Variants in DCAF7 observed in about 807,000 individuals in gnomAD.
The protein encoded by DCAF7 is DDB1- and CUL4-associated factor 7.
A neutral mutation model predicts 41.2 loss-of-function variants in DCAF7; 4 were observed. The observed-to-expected ratio is 0.10, with a 90% CI of 0.05 to 0.22. The LOEUF (loss-of-function observed/expected upper bound fraction) is 0.22. DCAF7 is among the 10% of genes least tolerant of loss of function. The probability of loss-of-function intolerance (pLI) is 1.00; values close to 1 mark genes in which losing one functional copy is unlikely to be tolerated. For synonymous variants in DCAF7, 143 were observed against 164.2 expected (o/e 0.87, Z 0.99); for missense variants, 131 against 443.2 (o/e 0.30, Z 6.32).
In DCAF7 at chr17:63,550,515, G is replaced by A; in HGVS notation, c.-163G>A. The A allele has an allele frequency of 8.7e-7, 1 of 1,156,024 alleles. No homozygotes were observed. Among genetic ancestry groups the A allele is most frequent in the Non-Finnish European group, 1.2e-6 (1 of 852,170 alleles). 71.6% of individuals were successfully genotyped at this position (1,156,024 alleles called of 1,614,324 possible). On this transcript the variant is annotated 5_prime_UTR_variant, in exon 1 of 7. Coordinates refer to ENST00000614556, the MANE Select transcript of DCAF7 (RefSeq NM_005828.5). This position sits in a 1 kb window ranked among gnomAD's most constrained non-coding sequence, Gnocchi z 4.8. ...AAGCTGGTTTGAAACTAGGGGTCGG[G>A]CTCGGCCGTCGTCGTTGTTTGTCGC...
chr17:63,576,180 G>T (rs139720106), intron 1 of DCAF7, among the ~76,000 whole-genome samples: 1 of 152,168 alleles, frequency 6.6e-6, no homozygotes, highest in Non-Finnish European at 1.5e-5. Context: ...TGTAGCTCAC[G>T]CCTGTAATCC....
chr17:63,589,289 C>T lies in DCAF7; in HGVS notation c.*117C>T, dbSNP rs753261300. On this transcript the variant is annotated 3_prime_UTR_variant, in exon 7 of 7. Transcript: ENST00000614556. ...CAGTATGTCTTTCATTGCTTTGCAC[C>T]CACTGTTACCAGAAGCTGCTCTAGG... 1.5e-6 allele frequency: 2 copies of T among 1,357,906 alleles called. No homozygotes were observed. Among genetic ancestry groups the T allele is most frequent in the South Asian group, 2.4e-5 (2 of 82,166 alleles). 84.1% of individuals were successfully genotyped at this position (1,357,906 alleles called of 1,614,324 possible). A position where few individuals can be genotyped will look rare whatever the true frequency, so the allele number is the denominator to read the frequency against.
At chr17:63,562,760 T>C (rs527495656) in intron 1 of DCAF7, among the ~76,000 whole-genome samples, 1 of 142,762 alleles carries the variant, frequency 7.0e-6, no homozygotes, top group Non-Finnish European at 1.5e-5. Context: ...CATTGTTCAA[T>C]TCCCACCTAT....
At chr17:63,556,167 CCAGTGACTGGAGTGTTATG>C (rs1442268777) in intron 1 of DCAF7, among the ~76,000 whole-genome samples, 1 of 152,176 alleles carries the variant, frequency 6.6e-6, no homozygotes, top group African/African-American at 2.4e-5. Context: ...GGAAAATGTT[CCAGTGACTGGAGTGTTATG>C]TTGATTTGGA....
chr17:63,578,430 C>T, intron 1 of DCAF7, 40 bp from the exon 2 acceptor site: 1 of 1,613,264 alleles, frequency 6.2e-7, no homozygotes, highest in Non-Finnish European at 8.5e-7. Context: ...TGCTGTACTG[C>T]TCACAAATGC....
Position 63,564,031 on chromosome 17 carries a change from C to G in DCAF7, c.138+13216C>G, listed in dbSNP as rs151244809. On this transcript the variant is annotated intron_variant, in intron 1 of 6. Coordinates refer to ENST00000614556, the MANE Select transcript of DCAF7 (RefSeq NM_005828.5). ...CATTTTTCTAAAAGTTGAGGGAAAA[C>G]TTTACACTTAATGTATATATGTTTG... Among the ~76,000 whole-genome samples, 167 of 151,986 alleles carry G rather than the reference C, an allele frequency of 1.1e-3. 1 individual carries two copies. Among genetic ancestry groups the G allele is most frequent in the African/African-American group, 4.0e-3 (164 of 41,454 alleles).
intron 2 of DCAF7, 53 bp downstream of exon 2, chr17:63,578,681 T>G: frequency 6.2e-7 from 1 of 1,610,706 alleles, no homozygotes; most frequent in South Asian, 1.1e-5. Flanking sequence ...CAGCCTCAGC[T>G]GTTAGCAGTG....
intron 1 of DCAF7, among the ~76,000 whole-genome samples, chr17:63,572,031 C>G (rs763682842): frequency 6.6e-6 from 1 of 152,068 alleles, no homozygotes. Flanking sequence ...AATGTCAGTG[C>G]TTTCATGAGG....
Position 63,584,453 on chromosome 17 carries a change from G to T in DCAF7, c.738+742G>T, listed in dbSNP as rs561600438. On this transcript the variant is annotated intron_variant, in intron 5 of 6. Transcript: ENST00000614556. The stretch of plus-strand genomic sequence containing the variant: ...ATTGCACTCAAGCCTGGGAGATAGA[G>T]CAAGACTCCATCTGAAAAAAAAAAA... Among the ~76,000 whole-genome samples, 3 of 149,694 alleles carry T rather than the reference G, an allele frequency of 2.0e-5. No individual in the cohort carries two copies. The South Asian group carries it at 6.4e-4, about 32-fold the overall frequency.
intron 1 of DCAF7, among the ~76,000 whole-genome samples, chr17:63,563,298 C>A (rs962231661): frequency 4.7e-4 from 71 of 152,186 alleles, no homozygotes; most frequent in African/African-American, 1.7e-3. Context: ...ATTGTGATAT[C>A]ATCTTTCCCT....
intron 1 of DCAF7, among the ~76,000 whole-genome samples, chr17:63,551,190 G>C (rs2033248878): frequency 6.6e-6 from 1 of 152,074 alleles, no homozygotes; most frequent in East Asian, 1.9e-4. Context: ...GAAGGGAAGA[G>C]AGAGTGATAG....
At chr17:63,564,908 G>A (rs888221335) in intron 1 of DCAF7, among the ~76,000 whole-genome samples, 12 of 152,250 alleles carry the variant, frequency 7.9e-5, no homozygotes, top group Admixed American at 5.2e-4. Flanking sequence ...AGGCGGAAAT[G>A]TGGTGTTGGG....
intron 1 of DCAF7, among the ~76,000 whole-genome samples, chr17:63,556,991 G>T (rs553378235): frequency 2.0e-5 from 3 of 152,256 alleles, no homozygotes; most frequent in Admixed American, 1.3e-4. Flanking sequence ...TCTTGCCACT[G>T]AACTCCCGCT....
intron 4 of DCAF7, among the ~76,000 whole-genome samples, chr17:63,580,507 CTTTTTTT>C (rs530801174): frequency 6.4e-4 from 28 of 43,894 alleles, no homozygotes; most frequent in South Asian, 2.9e-3. Flanking sequence ...TTTGTGATTG[CTTTTTTT>C]TTTTTTTTTT....
Position 63,578,535 on chromosome 17 carries a change from A to G in DCAF7, c.204A>G (p.Pro68=), listed in dbSNP as rs1399688903. 6.2e-7 allele frequency: 1 copy of G among 1,614,020 alleles called. No homozygotes were observed. The highest frequency in any genetic ancestry group is 2.2e-5 in the East Asian group (1 of 44,888). ...EFICRNTFDH[P]YPTTKLMWIP... ...TTTGCAGAAACACCTTTGACCACCC[A>G]TACCCCACCACAAAGCTCATGTGGA... Residue 68 remains proline (P), a synonymous_variant, in exon 2 of 7, where the codon CCA becomes CCG. Transcript: ENST00000614556.
At chr17:63,568,627 C>T (rs1444972034) in intron 1 of DCAF7, among the ~76,000 whole-genome samples, 9 of 152,120 alleles carry the variant, frequency 5.9e-5, no homozygotes, top group Non-Finnish European at 7.4e-5. Flanking sequence ...CTTGATTTAA[C>T]GTTCGTTGCT....
chr17:63,583,855 C>A, intron 5 of DCAF7, 144 bp downstream of exon 5: 1 of 830,792 alleles, frequency 1.2e-6, no homozygotes, highest in Admixed American at 2.1e-5. Context: ...TGTCACAGCT[C>A]TAGAGACGCA....
intron 1 of DCAF7, among the ~76,000 whole-genome samples, chr17:63,571,806 CA>C (rs1358301935): frequency 6.6e-6 from 1 of 151,890 alleles, no homozygotes; most frequent in African/African-American, 2.4e-5. Flanking sequence ...ATCACATCAC[CA>C]GGGGTGATGA....
intron 1 of DCAF7, among the ~76,000 whole-genome samples, chr17:63,556,611 G>A (rs1463588567): frequency 2.0e-5 from 3 of 152,130 alleles, no homozygotes; most frequent in East Asian, 3.9e-4. Context: ...GCTCATGCCT[G>A]TAATCCCAGC....
Sources: allele counts gnomAD v4.1 joint callset (sites outside exome capture counted in the v4.1 genomes callset), GRCh38; gene constraint gnomAD v4.1.1; non-coding constraint Gnocchi (gnomAD v3.1); transcripts MANE v1.5; gene names NCBI Gene and HGNC (gene_info 2026-07-23, HGNC 2026-07-21).